Variants in HIVEP3 observed in about 807,000 individuals in gnomAD.
HIVEP3 encodes transcription factor HIVEP3.
Under a neutral mutation model 152.8 loss-of-function variants are expected in HIVEP3, and 49 were observed. That is an observed-to-expected ratio of 0.32 (90% CI 0.26 to 0.41). HIVEP3 has a LOEUF of 0.41. Among genes scored for constraint, HIVEP3 ranks in the 10% least tolerant of loss-of-function variants. The probability of loss-of-function intolerance (pLI) is 1.00; values close to 1 mark genes in which losing one functional copy is unlikely to be tolerated. For missense variants in HIVEP3, 2,790 were observed against 3,103.3 expected (o/e 0.90, Z 2.40); for synonymous variants, 1,269 against 1,289.0 (o/e 0.98, Z 0.33).
intron 1 of HIVEP3, among the ~76,000 whole-genome samples, chr1:41,975,384 C>G (rs1008952926): frequency 5.3e-5 from 8 of 152,152 alleles, no homozygotes; most frequent in Non-Finnish European, 8.8e-5. Flanking sequence ...AAATCACTCC[C>G]CCACAGTAAG....
intron 1 of HIVEP3, among the ~76,000 whole-genome samples, chr1:41,735,147 A>G (rs936945448): frequency 2.6e-5 from 4 of 152,256 alleles, no homozygotes; most frequent in African/African-American, 9.6e-5. Context: ...CACAGATAAG[A>G]AACCTGAGGC....
At chr1:41,927,468 A>T (rs1644973831) in intron 1 of HIVEP3, among the ~76,000 whole-genome samples, 1 of 152,214 alleles carries the variant, frequency 6.6e-6, no homozygotes, top group Non-Finnish European at 1.5e-5. Flanking sequence ...AACACCCCAA[A>T]TCACATGTAA....
intron 1 of HIVEP3, among the ~76,000 whole-genome samples, chr1:41,706,127 T>C (rs529017724): frequency 3.9e-5 from 6 of 152,320 alleles, no homozygotes; most frequent in African/African-American, 1.4e-4. Context: ...TATTTTGTGA[T>C]GCTGAGGTTT....
rs557554242 is a variant in HIVEP3, at chr1:41,545,855, G to C, written c.5208-20945C>G. ...TCCTCAGCATTCACTGGACATTCCA[G>C]TCCTGGCCCTAGTCACAGAGAGGAA... On this transcript the variant is annotated intron_variant, in intron 5 of 8. Transcript: ENST00000372583. 2.0e-5 allele frequency among the ~76,000 whole-genome samples: 3 copies of C among 151,786 alleles called. No individual in the cohort carries two copies. The South Asian group carries it at 6.3e-4, about 32-fold the overall frequency.
At chr1:41,865,903 C>T (rs529455464) in intron 1 of HIVEP3, among the ~76,000 whole-genome samples, 4 of 152,192 alleles carry the variant, frequency 2.6e-5, no homozygotes, top group African/African-American at 9.7e-5. Context: ...TAACACGGAG[C>T]TTTGAGCTCA....
intron 3 of HIVEP3, among the ~76,000 whole-genome samples, chr1:41,618,493 G>A (rs1172714883): frequency 6.6e-6 from 1 of 152,150 alleles, no homozygotes; most frequent in African/African-American, 2.4e-5. Flanking sequence ...GCCTCCTACC[G>A]AGGCCCAGTG....
chr1:41,803,665 G>A (rs1408894792), intron 1 of HIVEP3, among the ~76,000 whole-genome samples: 2 of 152,226 alleles, frequency 1.3e-5, no homozygotes, highest in East Asian at 1.9e-4. Flanking sequence ...TCCACGTGAA[G>A]CTGGACTCAT....
intron 5 of HIVEP3, among the ~76,000 whole-genome samples, chr1:41,545,037 A>ACT (rs1558047542): frequency 3.3e-4 from 21 of 63,126 alleles, no homozygotes; most frequent in Non-Finnish European, 5.3e-4. Flanking sequence ...CACCACCACC[A>ACT]ATACCACTAC....
chr1:41,724,308 C>T (rs1251018935), intron 1 of HIVEP3, among the ~76,000 whole-genome samples: 1 of 152,194 alleles, frequency 6.6e-6, no homozygotes, highest in Admixed American at 6.5e-5. Context: ...TCCCTGGGAT[C>T]CTCCTCTGAG....
chr1:41,766,343 A>T (rs573672574), intron 1 of HIVEP3, among the ~76,000 whole-genome samples: 1 of 152,358 alleles, frequency 6.6e-6, no homozygotes, highest in African/African-American at 2.4e-5. Flanking sequence ...CATACAAGGC[A>T]CAGGACAGCC....
rs74070885 is a variant in HIVEP3, at chr1:41,712,664, G to T, written c.-800-11669C>A. Among the ~76,000 whole-genome samples, 572 of 152,302 alleles carry T rather than the reference G, an allele frequency of 3.8e-3. 2 individuals carry two copies. The highest frequency in any genetic ancestry group is 0.013 in the African/African-American group (528 of 41,550). On this transcript the variant is annotated intron_variant, in intron 1 of 8. Transcript: ENST00000372583. Reference sequence around the variant, plus strand: ...GCGTCCTGAGCTGACCTGCCTCAGGGGTCTCAGAAAACCAGAAACAGAGCC... The same window carrying T: ...GCGTCCTGAGCTGACCTGCCTCAGGTGTCTCAGAAAACCAGAAACAGAGCC...
chr1:41,511,036 G>A lies in HIVEP3; in HGVS notation c.6636C>T (p.Thr2212=), dbSNP rs1644447336. ...MVQARPGAHP[T]LLPGPTAAWV... Reference sequence around the variant, plus strand: ...AGGCTGCGGTGGGCCCTGGCAGCAGGGTGGGGTGGGCTCCTGGCCGGGCCT... The same window carrying A: ...AGGCTGCGGTGGGCCCTGGCAGCAGAGTGGGGTGGGCTCCTGGCCGGGCCT... The change falls in exon 9 of 9, where the codon ACC becomes ACT. Residue 2212 remains threonine (T), a synonymous_variant. Transcript: ENST00000372583. The surrounding 1 kb of genome is among the most constrained non-coding windows in gnomAD (Gnocchi z 4.9). The A allele has an allele frequency of 6.2e-7, 1 of 1,613,750 alleles. No homozygotes were observed. Among genetic ancestry groups the A allele is most frequent in the Non-Finnish European group, 8.5e-7 (1 of 1,179,804 alleles).
chr1:41,555,067 C>T (rs945595195), intron 5 of HIVEP3, among the ~76,000 whole-genome samples: 2 of 152,238 alleles, frequency 1.3e-5, no homozygotes, highest in Non-Finnish European at 2.9e-5. Context: ...GAAGTTTCTG[C>T]TGCCTTTTGT....
chr1:42,027,939 C>T (rs1017993923), intron 1 of HIVEP3, among the ~76,000 whole-genome samples: 2 of 152,136 alleles, frequency 1.3e-5, no homozygotes, highest in African/African-American at 4.8e-5. Context: ...CTGGGAGATA[C>T]AATTCAAGTT....
At chr1:41,531,465 T>G (rs561315849) in intron 5 of HIVEP3, among the ~76,000 whole-genome samples, 155 of 105,350 alleles carry the variant, frequency 1.5e-3, no homozygotes, top group African/African-American at 5.3e-3. Context: ...ACATGAGAGA[T>G]AGAGGACAGG....
chr1:41,879,607 C>A (rs1644229438), intron 1 of HIVEP3, among the ~76,000 whole-genome samples: 1 of 152,146 alleles, frequency 6.6e-6, no homozygotes, highest in African/African-American at 2.4e-5. Context: ...CCAAGGCAGT[C>A]CTCCCTTCAT....
chr1:41,761,475 T>TGTATGCATGTGTATGTGCATGTATGC (rs1647678454), intron 1 of HIVEP3, among the ~76,000 whole-genome samples: 1 of 152,150 alleles, frequency 6.6e-6, no homozygotes, highest in African/African-American at 2.4e-5. Flanking sequence ...GGTGTGAATG[T>TGTATGCATGTGTATGTGCATGTATGC]GTATGCATGT....
At chr1:41,916,382 C>A (rs1243149818) in intron 1 of HIVEP3, among the ~76,000 whole-genome samples, 1 of 152,210 alleles carries the variant, frequency 6.6e-6, no homozygotes, top group Non-Finnish European at 1.5e-5. Flanking sequence ...AGGGGCCAGA[C>A]TTTGCCATCA....
At chr1:41,800,999 C>T (rs1274598240) in intron 1 of HIVEP3, among the ~76,000 whole-genome samples, 4 of 152,180 alleles carry the variant, frequency 2.6e-5, no homozygotes, top group African/African-American at 4.8e-5. Flanking sequence ...ACAATTAATG[C>T]TATCTTTTAC....
Sources: gnomAD v4.1 joint callset for allele counts (sites outside exome capture counted in the v4.1 genomes callset) on GRCh38, gnomAD v4.1.1 for gene constraint, Gnocchi (gnomAD v3.1) non-coding constraint, MANE v1.5 for transcripts, NCBI Gene and HGNC (gene_info 2026-07-23, HGNC 2026-07-21) for gene names.